Variants in USP47 observed in about 807,000 individuals in gnomAD.
The protein encoded by USP47 is ubiquitin specific peptidase 47.
Under a neutral mutation model 165.1 loss-of-function variants are expected in USP47, and 35 were observed. That is an observed-to-expected ratio of 0.21 (90% confidence interval 0.16 to 0.28). USP47 has a LOEUF of 0.28. Ranked by LOEUF, USP47 falls within the 10% of genes least tolerant of loss-of-function variation. The probability of loss-of-function intolerance (pLI) is 1.00; values close to 1 mark genes in which losing one functional copy is unlikely to be tolerated. For synonymous variants in USP47, 531 were observed against 544.5 expected, an observed-to-expected ratio of 0.98 and a Z score of 0.35; for missense variants, 1,277 against 1,607.4, an observed-to-expected ratio of 0.79 and a Z score of 3.52.
At chr11:11,875,237 T>G (rs1373203060) in intron 1 of USP47, among the ~76,000 whole-genome samples, 1 of 152,202 alleles carries the variant, frequency 6.6e-6, no homozygotes, top group African/African-American at 2.4e-5. Context: ...TAAATCTTGA[T>G]AATTTTGAAT....
At chr11:11,848,125 CAA>C (rs1216880447) in intron 1 of USP47, among the ~76,000 whole-genome samples, 3 of 152,256 alleles carry the variant, frequency 2.0e-5, no homozygotes, top group South Asian at 4.1e-4. Flanking sequence ...TAATTTTTAT[CAA>C]AGTTATGTTT....
chr11:11,850,193 C>G (rs888687156), intron 1 of USP47, among the ~76,000 whole-genome samples: 3 of 149,276 alleles, frequency 2.0e-5, no homozygotes, highest in Non-Finnish European at 3.0e-5. Context: ...TTGATTTCCT[C>G]TCCTTCATTT....
intron 24 of USP47, chr11:11,951,130 A>G (rs1856193687): frequency 6.6e-6 from 1 of 152,200 alleles, no homozygotes; most frequent in South Asian, 2.1e-4. Context: ...GTTTTTGGCC[A>G]TCATTGGCAA....
At chr11:11,883,071 C>G (rs570805841) in intron 2 of USP47, among the ~76,000 whole-genome samples, 1 of 152,152 alleles carries the variant, frequency 6.6e-6, no homozygotes, top group Non-Finnish European at 1.5e-5. Flanking sequence ...AGCTACCCAC[C>G]ACCTTGTATA....
intron 5 of USP47, among the ~76,000 whole-genome samples, chr11:11,898,103 ATACT>A (rs548359422): frequency 8.6e-4 from 131 of 152,008 alleles, no homozygotes; most frequent in African/African-American, 3.0e-3. Flanking sequence ...TTAAAATATA[ATACT>A]TACAGCTTGT....
intron 1 of USP47, among the ~76,000 whole-genome samples, chr11:11,871,789 G>C (rs1850084610): frequency 6.6e-6 from 1 of 152,120 alleles, no homozygotes; most frequent in Non-Finnish European, 1.5e-5. Flanking sequence ...AACTCAGGGA[G>C]ATTGCTGGAC....
Position 11,940,518 on chromosome 11 carries a change from G to A in USP47, c.2283G>A (p.Leu761=). The A allele has an allele frequency of 6.2e-7, 1 of 1,611,774 alleles. No homozygotes were observed. Among genetic ancestry groups the A allele is most frequent in the Non-Finnish European group, 8.5e-7 (1 of 1,178,482 alleles). ...TTCTCAGTGTCTCCAGTAAAACCCT[G>A]AAAGCTGAAGGATTTTTTAGAAGTA... is the stretch of plus-strand genomic sequence containing the variant. ...LRLLSVSSKT[L]KAEGFFRSNK... Residue 761 remains leucine (L), a synonymous_variant, in exon 19 of 28, where the codon CTG becomes CTA. Transcript: ENST00000527733.
intron 1 of USP47, among the ~76,000 whole-genome samples, chr11:11,870,499 G>C (rs79524695): frequency 0.017 from 2,644 of 152,166 alleles, 60 homozygotes; most frequent in East Asian, 0.083. Context: ...TTTGTTTAAA[G>C]AACTGTCTTT....
chr11:11,852,792 A>C lies in USP47; in HGVS notation c.39+10568A>C, dbSNP rs577394180. ...TATATTCAGTCTATCCTCTTTAACC[A>C]GAGATTCTTAATGTTTTTGTCTCAT... On this transcript the variant is annotated intron_variant, in intron 1 of 27. Coordinates refer to ENST00000527733, the MANE Select transcript of USP47 (RefSeq NM_001282659.2). Among the ~76,000 whole-genome samples, 5 of 152,326 alleles carry C rather than the reference A, an allele frequency of 3.3e-5. No homozygotes were observed. In the East Asian group the frequency reaches 9.6e-4, roughly 29 times the overall value.
At chr11:11,880,850 G>C (rs1006674872) in intron 2 of USP47, among the ~76,000 whole-genome samples, 3 of 151,990 alleles carry the variant, frequency 2.0e-5, no homozygotes, top group African/African-American at 7.2e-5. Context: ...CTTTTTATTT[G>C]TGTGTCTATG....
intron 27 of USP47, 31 bp from the exon 28 acceptor site, chr11:11,955,970 G>T: frequency 6.6e-7 from 1 of 1,508,604 alleles, no homozygotes; most frequent in South Asian, 1.4e-5. Flanking sequence ...GGCTCTACTG[G>T]ACTAATATGT....
At position 11,880,238 on chromosome 11, in the gene USP47, A is replaced by G; in HGVS notation, c.101A>G (p.Lys34Arg). 1 of 1,466,170 alleles carries G rather than the reference A, an allele frequency of 6.8e-7. No homozygotes were observed. The allele number at this position is 1,466,170 out of a possible 1,614,324, so 90.8% of individuals were successfully genotyped here. Residue 34 changes from lysine to arginine, a missense_variant, in exon 2 of 28, where the codon AAG becomes AGG. Lys to Arg is a conservative substitution (Grantham distance 26). This residue lies in a region of USP47 where 181 missense variants were observed against 194.7 expected (regional missense o/e 0.93). Transcript: ENST00000527733. Reference sequence around the variant, plus strand: ...ATTATACAAGATACTACTAATTCAAAGACAGTGAATGAACGGATCACTTTA... The same window carrying G: ...ATTATACAAGATACTACTAATTCAAGGACAGTGAATGAACGGATCACTTTA... ...LCIIQDTTNS[K>R]TVNERITLNL...
intron 1 of USP47, among the ~76,000 whole-genome samples, chr11:11,868,960 G>A (rs1485854466): frequency 2.0e-5 from 3 of 151,764 alleles, no homozygotes; most frequent in Non-Finnish European, 4.4e-5. Flanking sequence ...TTGTCTATGT[G>A]CTAATTGGAT....
intron 13 of USP47, among the ~76,000 whole-genome samples, chr11:11,930,363 G>C (rs1854578758): frequency 6.6e-6 from 1 of 152,080 alleles, no homozygotes; most frequent in Non-Finnish European, 1.5e-5. Context: ...AGACCATATG[G>C]CCTGCAAAGC....
chr11:11,942,453 A>G lies in USP47; in HGVS notation c.2432A>G (p.Gln811Arg), dbSNP rs760186564. 39 of 1,613,652 alleles carry G rather than the reference A, an allele frequency of 2.4e-5. No homozygotes were observed. In the Middle Eastern group the frequency reaches 8.3e-4, roughly 34 times the overall value. Residue 811 changes from glutamine (Q) to arginine (R), a missense_variant, in exon 20 of 28, where the codon CAA (glutamine) becomes CGA (arginine). By Grantham distance (43) the Gln-to-Arg change is conservative (BLOSUM62 1). Coordinates refer to ENST00000527733, the MANE Select transcript of USP47 (RefSeq NM_001282659.2). ...TIRLFVLLPE[Q>R]SPVSYSKRTA... ...AGATTATTTGTTTTGCTACCTGAAC[A>G]ATCCCCAGTATCTTATTCCAAAAGG... is the stretch of plus-strand genomic sequence containing the variant.
Position 11,905,398 on chromosome 11 carries a change from G to T in USP47, c.820-1G>T. The T allele has an allele frequency of 6.4e-7, 1 of 1,565,588 alleles. No homozygotes were observed. The highest frequency in any genetic ancestry group is 8.7e-7 in the Non-Finnish European group (1 of 1,150,622). On this transcript the variant is annotated splice_acceptor_variant, in intron 7 of 27. Coordinates refer to ENST00000527733, the MANE Select transcript of USP47 (RefSeq NM_001282659.2). LOFTEE classifies it high-confidence loss of function. ...TAAAAATGTAAATATTTTATTTTTA[G>T]GCTGATCTTATAAATGAGCTATATC...
chr11:11,884,654 A>G, intron 3 of USP47, 74 bp downstream of exon 3: 1 of 963,650 alleles, frequency 1.0e-6, no homozygotes, highest in Non-Finnish European at 1.6e-6. Flanking sequence ...GCAGTTTCCC[A>G]AAGGAAATAA....
chr11:11,901,176 C>T (rs895634597), intron 5 of USP47, among the ~76,000 whole-genome samples: 3 of 152,118 alleles, frequency 2.0e-5, no homozygotes, highest in Non-Finnish European at 4.4e-5. Context: ...GAGAACAGAG[C>T]TGTGACTTCT....
chr11:11,913,076 A>C (rs1413962039), intron 8 of USP47, among the ~76,000 whole-genome samples: 3 of 152,022 alleles, frequency 2.0e-5, no homozygotes, highest in African/African-American at 7.2e-5. Flanking sequence ...CTTTCTTCCT[A>C]GGGAATGGCA....
Sources: allele counts gnomAD v4.1 joint callset (sites outside exome capture counted in the v4.1 genomes callset), GRCh38; gene constraint gnomAD v4.1.1; regional missense constraint gnomAD v4.1.1; transcripts MANE v1.5; gene names NCBI Gene and HGNC (gene_info 2026-07-23, HGNC 2026-07-21).